SMURF1: variants seen among roughly 807,000 people sequenced by gnomAD.
The protein encoded by SMURF1 is E3 ubiquitin-protein ligase SMURF1.
SMURF1 carries 44 observed loss-of-function variants against 98.0 expected under a neutral mutation model. The ratio of observed to expected loss-of-function variants is 0.45; its 90% CI spans 0.35 to 0.58. SMURF1 has a LOEUF of 0.58. Ranked by LOEUF, SMURF1 falls within the 20% of genes least tolerant of loss-of-function variation. SMURF1 has a pLI of 0.00. For missense variants in SMURF1, 687 were observed against 938.4 expected, an observed-to-expected ratio of 0.73 and a Z score of 3.50; for synonymous variants, 396 against 374.9, an observed-to-expected ratio of 1.06 and a Z score of -0.65.
At chr7:99,132,642 G>A (rs1316618858) in intron 1 of SMURF1, among the ~76,000 whole-genome samples, 4 of 151,792 alleles carry the variant, frequency 2.6e-5, no homozygotes, top group African/African-American at 9.7e-5. Context: ...CTGAATGACA[G>A]GAAGAAGCCA....
At chr7:99,103,789 C>T (rs1797139044) in intron 1 of SMURF1, among the ~76,000 whole-genome samples, 1 of 152,010 alleles carries the variant, frequency 6.6e-6, no homozygotes, top group African/African-American at 2.4e-5. Flanking sequence ...CACAGTAGGA[C>T]ACAAAACTTC....
chr7:99,033,404 G>T (rs1165614780), intron 16 of SMURF1, among the ~76,000 whole-genome samples: 1 of 152,178 alleles, frequency 6.6e-6, no homozygotes, highest in South Asian at 2.1e-4. Context: ...TCTGACTGCC[G>T]GGTTCAAGCA....
intron 1 of SMURF1, among the ~76,000 whole-genome samples, chr7:99,070,115 C>G (rs141664615): frequency 1.3e-5 from 2 of 152,312 alleles, no homozygotes; most frequent in East Asian, 3.9e-4. Context: ...ATCATGTGAA[C>G]TATTTGCCAT....
At chr7:99,051,512 G>T in intron 7 of SMURF1, 71 bp from the exon 8 acceptor site, 1 of 1,157,826 alleles carries the variant, frequency 8.6e-7, no homozygotes, top group Non-Finnish European at 1.3e-6. Context: ...AACCCTCGAT[G>T]CCCTCACGTC....
intron 1 of SMURF1, among the ~76,000 whole-genome samples, chr7:99,113,394 GC>G: frequency 1.3e-5 from 2 of 152,236 alleles, no homozygotes; most frequent in Middle Eastern, 3.4e-3. Context: ...TAAAAGAAAA[GC>G]ATTGTCAACC....
chr7:99,032,623 C>G (rs570825332), intron 17 of SMURF1, among the ~76,000 whole-genome samples: 1 of 152,160 alleles, frequency 6.6e-6, no homozygotes, highest in Non-Finnish European at 1.5e-5. Context: ...GAGCCGAGAT[C>G]GTGCCACTGC....
chr7:99,123,741 T>C (rs1010179331), intron 1 of SMURF1, among the ~76,000 whole-genome samples: 5 of 152,320 alleles, frequency 3.3e-5, no homozygotes, highest in African/African-American at 9.6e-5. Flanking sequence ...CTGAATGATA[T>C]AGTAAGAGTT....
intron 1 of SMURF1, among the ~76,000 whole-genome samples, chr7:99,101,305 G>A (rs10226597): frequency 0.71 from 108,383 of 152,030 alleles, 43,638 homozygotes; most frequent in South Asian, 0.92. Flanking sequence ...CCAGGAGCTC[G>A]AGGCTGTAGT....
rs778532473 is a variant in SMURF1 at position 99,057,107 on chromosome 7, G to A, written c.403+98C>T. 17 of 1,308,390 alleles carry A rather than the reference G, an allele frequency of 1.3e-5. No individual in the cohort carries two copies. The Admixed American group carries it at 1.5e-4, about 12-fold the overall frequency. 81.0% of individuals were successfully genotyped at this position (1,308,390 alleles called of 1,614,324 possible). On this transcript the variant is annotated intron_variant, in intron 5 of 17. Coordinates refer to ENST00000361368, the MANE Select transcript of SMURF1 (RefSeq NM_181349.3). ...GTACGTGGTCTGTCCTCTGAGGCCC[G>A]TCAGCATCGTCAGTGCCTGTATGTG...
intron 17 of SMURF1, among the ~76,000 whole-genome samples, chr7:99,032,542 G>A (rs145470615): frequency 0.03 from 4,592 of 152,226 alleles, 100 homozygotes; most frequent in South Asian, 0.056. Flanking sequence ...GGTGGCGTGC[G>A]CCTGTAGTCC....
intron 1 of SMURF1, among the ~76,000 whole-genome samples, chr7:99,068,244 C>G (rs369807479): frequency 1.3e-5 from 2 of 152,192 alleles, no homozygotes; most frequent in South Asian, 2.1e-4. Context: ...ACTGTGCCCT[C>G]CCTGATGGAA....
intron 1 of SMURF1, among the ~76,000 whole-genome samples, chr7:99,120,376 G>T (rs1056101690): frequency 6.6e-6 from 1 of 152,092 alleles, no homozygotes; most frequent in Non-Finnish European, 1.5e-5. Context: ...ACAAAAAGAT[G>T]TCCTATCATT....
intron 1 of SMURF1, among the ~76,000 whole-genome samples, chr7:99,109,765 C>T (rs1797279896): frequency 6.6e-6 from 1 of 152,020 alleles, no homozygotes; most frequent in Non-Finnish European, 1.5e-5. Context: ...TGATAAAATT[C>T]GACATCCAAG....
Position 99,073,350 on chromosome 7 carries a change from G to T in SMURF1, c.56-11513C>A, listed in dbSNP as rs950562988. 2.0e-5 allele frequency among the ~76,000 whole-genome samples: 3 copies of T among 150,242 alleles called. No individual in the cohort carries two copies. The Admixed American group carries it at 2.0e-4, about 10-fold the overall frequency. ...GTCCAGATCACGCAACTGCACTCCA[G>T]CCTGGGCAACGAGTGAGACTCCATC... On this transcript the variant is annotated intron_variant, in intron 1 of 17. Coordinates refer to ENST00000361368, the MANE Select transcript of SMURF1 (RefSeq NM_181349.3).
chr7:99,036,347 G>A (rs1380040203), intron 15 of SMURF1: 2 of 156,604 alleles, frequency 1.3e-5, no homozygotes, highest in South Asian at 2.0e-4. Context: ...GCATGATGAC[G>A]TGCACCTGTA....
At chr7:99,066,510 C>G (rs1221440095) in intron 1 of SMURF1, among the ~76,000 whole-genome samples, 3 of 152,184 alleles carry the variant, frequency 2.0e-5, no homozygotes, top group Non-Finnish European at 2.9e-5. Flanking sequence ...GACACAATGG[C>G]TCATGCCTGT....
intron 15 of SMURF1, chr7:99,036,597 T>C (rs1795152887): frequency 6.2e-6 from 1 of 161,756 alleles, no homozygotes; most frequent in African/African-American, 2.4e-5. Context: ...TCTACACGGC[T>C]TGAGCTATTT....
At chr7:99,052,935 A>G (rs1041007039) in intron 6 of SMURF1, among the ~76,000 whole-genome samples, 6 of 152,264 alleles carry the variant, frequency 3.9e-5, no homozygotes, top group Non-Finnish European at 7.4e-5. Context: ...GTGGTGGCAC[A>G]CGCCTGTGGT....
At chr7:99,075,798 A>G (rs1187195816) in intron 1 of SMURF1, among the ~76,000 whole-genome samples, 4 of 152,064 alleles carry the variant, frequency 2.6e-5, no homozygotes, top group African/African-American at 9.7e-5. Context: ...TGGATTTCCT[A>G]TTTTCCAGTC....
Sources: allele counts gnomAD v4.1 joint callset (sites outside exome capture counted in the v4.1 genomes callset), GRCh38; gene constraint gnomAD v4.1.1; transcripts MANE v1.5; gene names NCBI Gene and HGNC (gene_info 2026-07-23, HGNC 2026-07-21).